The following PVT1 variants were observed in gnomAD, a reference collection of about 807,000 sequenced individuals.
PVT1 encodes Pvt1 oncogene, also known as CXCR4/PVT1 fusion.
chr8:128,046,956 C>T (rs2130098105), intron 4 of PVT1, among the ~76,000 whole-genome samples: 1 of 152,308 alleles, frequency 6.6e-6, no homozygotes, highest in Non-Finnish European at 1.5e-5. Context: ...CCTTCACGGT[C>T]CCCCACAGTG....
intron 3 of PVT1, among the ~76,000 whole-genome samples, chr8:127,940,610 G>C (rs898808530): frequency 6.6e-6 from 1 of 151,396 alleles, no homozygotes; most frequent in African/African-American, 2.4e-5. Context: ...GGGCGGTGGA[G>C]GGGCAGTGTT....
At chr8:127,997,786 ATTACT>A (rs937435325) in intron 4 of PVT1, among the ~76,000 whole-genome samples, 10 of 152,330 alleles carry the variant, frequency 6.6e-5, no homozygotes, top group African/African-American at 2.4e-4. Context: ...AAGTTGAAAC[ATTACT>A]TTAGTTTTTA....
intron 3 of PVT1, among the ~76,000 whole-genome samples, chr8:127,910,512 C>A (rs1342317241): frequency 6.6e-6 from 1 of 152,136 alleles, no homozygotes; most frequent in Non-Finnish European, 1.5e-5. Flanking sequence ...TCTTTATGGC[C>A]TTTCCTTGGT....
At chr8:128,065,128 T>C (rs1442644818) in intron 4 of PVT1, among the ~76,000 whole-genome samples, 1 of 152,224 alleles carries the variant, frequency 6.6e-6, no homozygotes, top group African/African-American at 2.4e-5. Context: ...GCATTTACAA[T>C]GTACGTGCAT....
At chr8:127,921,083 T>TC (rs1275282953) in intron 3 of PVT1, among the ~76,000 whole-genome samples, 1 of 152,236 alleles carries the variant, frequency 6.6e-6, no homozygotes, top group African/African-American at 2.4e-5. Flanking sequence ...CAGGGGTTTT[T>TC]CTCTCCAAGG....
chr8:127,799,616 G>C (rs969155513), intron 2 of PVT1, among the ~76,000 whole-genome samples: 47 of 152,114 alleles, frequency 3.1e-4, no homozygotes, highest in African/African-American at 1.1e-3. Flanking sequence ...GAGGAGTGTA[G>C]ATCTGGTTAC....
intron 2 of PVT1, among the ~76,000 whole-genome samples, chr8:127,852,895 C>A (rs1367274637): frequency 6.6e-6 from 1 of 152,190 alleles, no homozygotes; most frequent in African/African-American, 2.4e-5. Context: ...GCCTCTGTGG[C>A]GCCTTGCACT....
intron 4 of PVT1, among the ~76,000 whole-genome samples, chr8:128,050,945 A>C (rs758202704): frequency 5.3e-5 from 8 of 152,170 alleles, no homozygotes; most frequent in Non-Finnish European, 1.2e-4. Context: ...CTCATGTATG[A>C]CAGCAAGAGT....
chr8:127,872,818 C>T (rs951404452), intron 2 of PVT1, among the ~76,000 whole-genome samples: 9 of 152,228 alleles, frequency 5.9e-5, no homozygotes, highest in African/African-American at 2.2e-4. Flanking sequence ...TTACAGCAGA[C>T]TTTTGATGAA....
chr8:127,815,600 C>T (rs1814651292), intron 2 of PVT1, among the ~76,000 whole-genome samples: 2 of 152,180 alleles, frequency 1.3e-5, no homozygotes, highest in African/African-American at 4.8e-5. Context: ...TGGAAGGGAG[C>T]ACCCAGCTCT....
At chr8:127,828,692 T>C (rs1338992507) in intron 2 of PVT1, among the ~76,000 whole-genome samples, 1 of 152,166 alleles carries the variant, frequency 6.6e-6, no homozygotes, top group Non-Finnish European at 1.5e-5. Context: ...TGCATTCATC[T>C]TGATTAAACT....
chr8:127,839,004 C>T (rs1814942368), intron 2 of PVT1, among the ~76,000 whole-genome samples: 1 of 152,144 alleles, frequency 6.6e-6, no homozygotes, highest in Non-Finnish European at 1.5e-5. Flanking sequence ...CAGTAACATG[C>T]CATTCAGGAC....
At chr8:127,852,635 G>A (rs757233826) in intron 2 of PVT1, among the ~76,000 whole-genome samples, 4 of 152,154 alleles carry the variant, frequency 2.6e-5, no homozygotes, top group Admixed American at 6.5e-5. Context: ...CTGGCTTCCT[G>A]GCAAGATTGC....
chr8:127,814,416 G>C (rs184677299), intron 2 of PVT1, among the ~76,000 whole-genome samples: 209 of 152,326 alleles, frequency 1.4e-3, no homozygotes, highest in African/African-American at 4.9e-3. Context: ...CCCCAGCTCA[G>C]GAGGGGCTGA....
At chr8:127,937,580 C>CACACACACACAGAGAGAGAG (rs59006608) in intron 3 of PVT1, among the ~76,000 whole-genome samples, 3 of 107,866 alleles carry the variant, frequency 2.8e-5, no homozygotes, top group African/African-American at 1.1e-4. Context: ...CACACACACA[C>CACACACACACAGAGAGAGAG]AGAGAGAGAG....
At chr8:127,943,173 C>T (rs1586447698) in intron 3 of PVT1, among the ~76,000 whole-genome samples, 2 of 152,164 alleles carry the variant, frequency 1.3e-5, no homozygotes, top group South Asian at 2.1e-4. Context: ...TGTTCCTGCC[C>T]GTTGATGCCC....
At chr8:127,979,057 C>T (rs1467310011) in intron 3 of PVT1, among the ~76,000 whole-genome samples, 1 of 152,194 alleles carries the variant, frequency 6.6e-6, no homozygotes, top group Non-Finnish European at 1.5e-5. Flanking sequence ...ACACAAATGA[C>T]ACAATTTAAC....
Position 127,999,662 on chromosome 8 carries a change from A to G in PVT1, n.912+10371A>G, listed in dbSNP as rs181089403. On this transcript the variant is annotated intron_variant and non_coding_transcript_variant, in intron 4 of 10. Coordinates refer to ENST00000651587, the Ensembl canonical transcript of PVT1. Reference sequence around the variant, plus strand: ...TTTTTAGTAGAAACGGGGTTTCACCATGTTGGCCAGGCTGGTCTCGACCTC... The same window carrying G: ...TTTTTAGTAGAAACGGGGTTTCACCGTGTTGGCCAGGCTGGTCTCGACCTC... Among the ~76,000 whole-genome samples, 650 of 152,312 alleles carry G rather than the reference A, an allele frequency of 4.3e-3. 5 individuals are homozygous for G. The highest frequency in any genetic ancestry group is 0.015 in the African/African-American group (631 of 41,562).
intron 3 of PVT1, among the ~76,000 whole-genome samples, chr8:127,974,136 A>G (rs898200546): frequency 3.5e-4 from 54 of 152,170 alleles, no homozygotes; most frequent in African/African-American, 1.3e-3. Flanking sequence ...AGGAGGAGGA[A>G]GAAGACTGAA....
Sources: allele counts gnomAD v4.1 joint callset (sites outside exome capture counted in the v4.1 genomes callset), GRCh38; gene constraint gnomAD v4.1.1; transcripts MANE v1.5; gene names NCBI Gene and HGNC (gene_info 2026-07-23, HGNC 2026-07-21).